RUFY1: variants seen among roughly 807,000 people sequenced by gnomAD.
RUFY1 encodes RUN and FYVE domain-containing protein 1.
A neutral mutation model predicts 94.6 loss-of-function variants in RUFY1; 54 were observed. The observed-to-expected ratio is 0.57, with a 90% CI of 0.46 to 0.72. The LOEUF is 0.72. Among genes scored for constraint, RUFY1 ranks in the 30% least tolerant of loss-of-function variants. The pLI, the probability that RUFY1 is intolerant of heterozygous loss-of-function variation, is 0.00. For missense variants in RUFY1, 883 were observed against 883.9 expected, an observed-to-expected ratio of 1.00 and a Z score of 0.01; for synonymous variants, 396 against 347.3, an observed-to-expected ratio of 1.14 and a Z score of -1.56.
rs1767560777 is a variant in RUFY1 at position 179,609,909 on chromosome 5, T to C, written c.*390T>C. 1 of 165,950 alleles carries C rather than the reference T, an allele frequency of 6.0e-6. No homozygotes were observed. 10.3% of individuals were successfully genotyped at this position (165,950 alleles called of 1,614,324 possible). On this transcript the variant is annotated 3_prime_UTR_variant, in exon 18 of 18. Transcript: ENST00000319449. ...ATTCATGCACAGCGTTTGACACACA[T>C]GGAGTCTGCCAGTGTGCCTTCTCTG...
At chr5:179,557,179 A>G (rs1762152222) in intron 1 of RUFY1, among the ~76,000 whole-genome samples, 1 of 152,184 alleles carries the variant, frequency 6.6e-6, no homozygotes, top group Non-Finnish European at 1.5e-5. Flanking sequence ...CTGTAATCCC[A>G]GCACTTTGAG....
chr5:179,560,571 A>C (rs1201529733), intron 2 of RUFY1, among the ~76,000 whole-genome samples: 1 of 150,770 alleles, frequency 6.6e-6, no homozygotes, highest in Non-Finnish European at 1.5e-5. Context: ...AAAAAAATAC[A>C]AAAAATTAGC....
intron 14 of RUFY1, among the ~76,000 whole-genome samples, chr5:179,601,578 T>TG (rs1340649513): frequency 6.6e-6 from 1 of 150,494 alleles, no homozygotes; most frequent in Non-Finnish European, 1.5e-5. Flanking sequence ...CCCAGCACTT[T>TG]GGGAGGCCGA....
chr5:179,585,300 GC>G (rs1414521159), intron 7 of RUFY1, among the ~76,000 whole-genome samples: 2 of 152,174 alleles, frequency 1.3e-5, no homozygotes, highest in African/African-American at 4.8e-5. Flanking sequence ...AATAGGCCGG[GC>G]ACAGTGGTTC....
intron 9 of RUFY1, among the ~76,000 whole-genome samples, chr5:179,591,175 C>A (rs903521257): frequency 1.3e-5 from 2 of 151,234 alleles, no homozygotes; most frequent in Non-Finnish European, 2.9e-5. Flanking sequence ...TATTCTCATT[C>A]TTCTTTTTTT....
At chr5:179,565,994 G>A (rs1469839123) in intron 3 of RUFY1, among the ~76,000 whole-genome samples, 2 of 151,942 alleles carry the variant, frequency 1.3e-5, no homozygotes, top group African/African-American at 4.8e-5. Context: ...AAAAAAATTA[G>A]TTGGGTGTGG....
intron 1 of RUFY1, chr5:179,559,805 G>A: frequency 7.7e-7 from 1 of 1,302,294 alleles, no homozygotes; most frequent in Non-Finnish European, 9.8e-7. Flanking sequence ...GAGGCCCAGT[G>A]GCTCTTCTGA....
intron 9 of RUFY1, 114 bp downstream of exon 9, chr5:179,589,761 CT>C: frequency 1.2e-6 from 1 of 820,020 alleles, no homozygotes; most frequent in Non-Finnish European, 2.1e-6. Flanking sequence ...AGGTGCCTTG[CT>C]TATGTCAGAA....
intron 16 of RUFY1, chr5:179,606,485 T>G (rs775323131): frequency 1.7e-4 from 27 of 158,246 alleles, no homozygotes; most frequent in Non-Finnish European, 2.6e-4. Context: ...AGGCAGACAT[T>G]CGGGGGCACG....
chr5:179,550,848 C>G lies in RUFY1; in HGVS notation c.279C>G (p.Gly93=), dbSNP rs1039377337. The change falls in exon 1 of 18, where the codon GGC becomes GGG. Residue 93 remains glycine, a synonymous_variant. Transcript: ENST00000319449. ...SALRAAAGLG[G]GDSGDGTARA... The stretch of plus-strand genomic sequence containing the variant: ...TGCGCGCGGCCGCGGGGCTGGGCGG[C>G]GGGGACAGCGGGGACGGCACGGCGC... 5.3e-5 allele frequency: 64 copies of G among 1,200,686 alleles called. No homozygotes were observed. Among genetic ancestry groups the G allele is most frequent in the Non-Finnish European group, 6.2e-5 (60 of 971,442 alleles). The allele number at this position is 1,200,686 out of a possible 1,614,324, so 74.4% of individuals were successfully genotyped here. A position where few individuals can be genotyped will look rare whatever the true frequency, so the allele number is the denominator to read the frequency against.
intron 8 of RUFY1, among the ~76,000 whole-genome samples, chr5:179,588,762 G>A (rs1764810128): frequency 6.6e-6 from 1 of 152,062 alleles, no homozygotes; most frequent in African/African-American, 2.4e-5. Flanking sequence ...ACAGGCTGTG[G>A]CTTTGTCACC....
rs118175207 is a variant in RUFY1 at position 179,579,011 on chromosome 5, T to C, written c.890+1875T>C. ...TACTTTCATATGTATGCATGGAACA[T>C]TTCTAGAGTGGCGTATCAACCTTAT... On this transcript the variant is annotated intron_variant, in intron 6 of 17. Transcript: ENST00000319449. 3.2e-4 allele frequency among the ~76,000 whole-genome samples: 49 copies of C among 152,342 alleles called. No homozygotes were observed. In the East Asian group the frequency reaches 8.5e-3, roughly 26 times the overall value.
At chr5:179,577,158 ACTTTT>A in intron 6 of RUFY1, 22 bp downstream of exon 6, 7 of 392,384 alleles carry the variant, frequency 1.8e-5, no homozygotes, top group Non-Finnish European at 2.4e-5. Context: ...GTTGTATGTC[ACTTTT>A]TTTTTTTTTT....
In RUFY1 at chr5:179,605,425, G is replaced by GC. The variant is rs1383724468; in HGVS notation, c.1857-450dup. Among the ~76,000 whole-genome samples the GC allele has an allele frequency of 2.0e-5, 3 of 152,238 alleles. No individual in the cohort carries two copies. The East Asian group carries it at 5.8e-4, about 29-fold the overall frequency. On this transcript the variant is annotated intron_variant, in intron 15 of 17. Coordinates refer to ENST00000319449, the MANE Select transcript of RUFY1 (RefSeq NM_025158.5). ...TGTTCTGACACTGAACAAGAATGGA[G>GC]CAAGAACAAATGGCTATGCCATCTG...
intron 11 of RUFY1, among the ~76,000 whole-genome samples, chr5:179,594,191 A>G (rs1267797807): frequency 6.6e-6 from 1 of 151,830 alleles, no homozygotes; most frequent in Non-Finnish European, 1.5e-5. Flanking sequence ...AATCCCAGAT[A>G]CTCAGAAGGC....
At position 179,571,341 on chromosome 5, in the gene RUFY1, T is replaced by A. The variant is rs575786784; in HGVS notation, c.828+1916T>A. ...TGAGACCTTGTCTCTACCAAAAATT[T>A]AAAAAAATTAGCCGAGCATGGTGGC... is the stretch of plus-strand genomic sequence containing the variant. On this transcript the variant is annotated intron_variant, in intron 5 of 17. Transcript: ENST00000319449. Among the ~76,000 whole-genome samples, 142 of 151,886 alleles carry A rather than the reference T, an allele frequency of 9.3e-4. 1 individual carries two copies. Among genetic ancestry groups the A allele is most frequent in the Non-Finnish European group, 1.5e-3 (105 of 67,958 alleles).
At chr5:179,576,457 G>A (rs1352071794) in intron 5 of RUFY1, among the ~76,000 whole-genome samples, 1 of 152,166 alleles carries the variant, frequency 6.6e-6, no homozygotes, top group Non-Finnish European at 1.5e-5. Context: ...GTCTCGCTCT[G>A]TTGCCCAGGT....
At chr5:179,556,720 G>A (rs767088174) in intron 1 of RUFY1, among the ~76,000 whole-genome samples, 6 of 152,056 alleles carry the variant, frequency 3.9e-5, no homozygotes, top group African/African-American at 1.4e-4. Flanking sequence ...GGCTGATCTC[G>A]AACTCCTGAC....
At chr5:179,559,496 T>C (rs1762275919) in intron 1 of RUFY1, among the ~76,000 whole-genome samples, 1 of 152,158 alleles carries the variant, frequency 6.6e-6, no homozygotes, top group African/African-American at 2.4e-5. Flanking sequence ...GAGAGAAGGC[T>C]GGAAAAGCCT....
Sources: allele counts gnomAD v4.1 joint callset (sites outside exome capture counted in the v4.1 genomes callset), GRCh38; gene constraint gnomAD v4.1.1; transcripts MANE v1.5; gene names NCBI Gene and HGNC (gene_info 2026-07-23, HGNC 2026-07-21).